HCLS1: variants seen among roughly 807,000 people sequenced by gnomAD.
The protein encoded by HCLS1 is hematopoietic lineage cell-specific protein.
HCLS1 carries 44 observed loss-of-function variants against 68.6 expected under a neutral mutation model. The ratio of observed to expected loss-of-function variants is 0.64; its 90% confidence interval spans 0.50 to 0.82. The LOEUF (loss-of-function observed/expected upper bound fraction) is 0.82. Among genes scored for constraint, HCLS1 ranks in the 40% least tolerant of loss-of-function variants. HCLS1 has a pLI of 0.00. For synonymous variants in HCLS1, 217 were observed against 225.8 expected, an observed-to-expected ratio of 0.96 and a Z score of 0.35; for missense variants, 602 against 612.1, an observed-to-expected ratio of 0.98 and a Z score of 0.17.
chr3:121,635,070 T>G (rs78907191), intron 9 of HCLS1, among the ~76,000 whole-genome samples: 1,815 of 152,198 alleles, frequency 0.012, 42 homozygotes, highest in African/African-American at 0.042. Flanking sequence ...CTGTGTGTTC[T>G]TCCCAAGTGG....
intron 5 of HCLS1, chr3:121,643,319 G>A (rs2049217994): frequency 4.8e-6 from 1 of 208,538 alleles, no homozygotes; most frequent in Non-Finnish European, 1.0e-5. Context: ...TAAAATGAGA[G>A]AAATGATCCC....
intron 2 of HCLS1, chr3:121,658,024 C>G: frequency 2.1e-6 from 1 of 477,492 alleles, no homozygotes; most frequent in Non-Finnish European, 3.8e-6. Flanking sequence ...GTGTAGCCTG[C>G]CATGGCCTGT....
At chr3:121,659,990 G>T (rs1169320744) in intron 1 of HCLS1, among the ~76,000 whole-genome samples, 1 of 152,188 alleles carries the variant, frequency 6.6e-6, no homozygotes, top group African/African-American at 2.4e-5. Flanking sequence ...AGAAAGGTAA[G>T]AAGTGCTATC....
chr3:121,634,519 G>A (rs570196736), intron 9 of HCLS1, 101 bp from the exon 10 acceptor site: 7 of 1,108,248 alleles, frequency 6.3e-6, no homozygotes, highest in East Asian at 4.8e-5. Context: ...ATATCCGGGA[G>A]GAGGGATTTG....
In HCLS1 at chr3:121,632,248, T is replaced by C. The variant is rs893047966; in HGVS notation, c.1241-64A>G. 23 of 1,601,950 alleles carry C rather than the reference T, an allele frequency of 1.4e-5. No individual in the cohort carries two copies. In the African/African-American group the frequency reaches 2.3e-4, roughly 16 times the overall value. ...GAAGAAGGCAAACAGAGAAAGATCC[T>C]ACTGGGGCAATAGAGAAATTCTTCT... On this transcript the variant is annotated intron_variant, in intron 12 of 13. Coordinates refer to ENST00000314583, the MANE Select transcript of HCLS1 (RefSeq NM_005335.6).
At chr3:121,635,237 T>TTCTCTCTCTCTCTCTCTCTCTCTC (rs201290743) in intron 9 of HCLS1, among the ~76,000 whole-genome samples, 16 of 114,444 alleles carry the variant, frequency 1.4e-4, no homozygotes, top group South Asian at 3.7e-4. Flanking sequence ...TCTCTCCCTT[T>TTCTCTCTCTCTCTCTCTCTCTCTC]TCTCTCTCTC....
intron 11 of HCLS1, 144 bp from the exon 12 acceptor site, chr3:121,632,707 C>T (rs979175231): frequency 2.9e-6 from 2 of 683,470 alleles, no homozygotes; most frequent in African/African-American, 1.8e-5. Context: ...CTGGGGAACA[C>T]AGCCTTTCAT....
At chr3:121,657,164 A>T (rs1937890076) in intron 3 of HCLS1, 115 bp downstream of exon 3, 1 of 795,320 alleles carries the variant, frequency 1.3e-6, no homozygotes, top group South Asian at 1.6e-5. Flanking sequence ...ACACAATAAT[A>T]CATAGACATG....
At chr3:121,634,890 C>G (rs183286566) in intron 9 of HCLS1, among the ~76,000 whole-genome samples, 1 of 152,290 alleles carries the variant, frequency 6.6e-6, no homozygotes, top group African/African-American at 2.4e-5. Context: ...CTTCAGCATC[C>G]CAAAGTGCTG....
At chr3:121,655,462 CTTTTTTTTTTTTT>C (rs1181452367) in intron 3 of HCLS1, 7 of 50,066 alleles carry the variant, frequency 1.4e-4, no homozygotes, top group African/African-American at 4.8e-4. Context: ...GTTGCTTGCT[CTTTTTTTTTTTTT>C]TTTTTTTTTT....
intron 8 of HCLS1, 129 bp downstream of exon 8, chr3:121,636,305 C>A: frequency 2.7e-6 from 2 of 753,880 alleles, no homozygotes; most frequent in South Asian, 3.2e-5. Context: ...TGCAGGACGC[C>A]AGCAGGACAG....
intron 4 of HCLS1, 146 bp from the exon 5 acceptor site, chr3:121,645,074 G>A (rs1399494877): frequency 6.3e-6 from 4 of 638,550 alleles, no homozygotes; most frequent in South Asian, 1.9e-5. Flanking sequence ...AGGAATACGC[G>A]ATGGGAGAGC....
At chr3:121,640,782 AAGGGGAGGGG>A (rs1185039803) in intron 6 of HCLS1, among the ~76,000 whole-genome samples, 13,736 of 53,350 alleles carry the variant, frequency 0.26, 2,032 homozygotes, top group East Asian at 0.38. Flanking sequence ...AAGGCAAGGG[AAGGGGAGGGG>A]AGGGGAGGGG....
chr3:121,635,778 C>A lies in HCLS1; in HGVS notation c.648G>T (p.Glu216Asp). 6.2e-7 allele frequency: 1 copy of A among 1,614,054 alleles called. No individual in the cohort carries two copies. The highest frequency in any genetic ancestry group is 1.7e-5 in the Admixed American group (1 of 60,022). ...DKSAVGFNEM[E>D]APTTAYKKTT... ...TCTTCTTATAAGCTGTGGTCGGGGC[C>A]TCCATTTCATTGAAGCCGACAGCGC... The change falls in exon 9 of 14, where the codon GAG becomes GAT. Residue 216 changes from glutamate (E) to aspartate (D), a missense_variant. By Grantham distance (45) the Glu-to-Asp change is conservative. Coordinates refer to ENST00000314583, the MANE Select transcript of HCLS1 (RefSeq NM_005335.6).
Position 121,647,333 on chromosome 3 carries a change from C to G in HCLS1, c.274G>C (p.Asp92His). 6.2e-7 allele frequency: 1 copy of G among 1,613,946 alleles called. No homozygotes were observed. The highest frequency in any genetic ancestry group is 1.1e-5 in the South Asian group (1 of 91,076). ...GYGGRFGVERDRMDKSAVGHE... is the reference protein window; with the variant it reads ...GYGGRFGVERHRMDKSAVGHE... ...TTTCAACTTACCTTGTCCATTCGGTCTCTTTCTACTCCAAACCGACCTCCA... is the reference window on the plus strand; with the variant it reads ...TTTCAACTTACCTTGTCCATTCGGTGTCTTTCTACTCCAAACCGACCTCCA... Residue 92 changes from aspartate (D) to histidine (H), a missense_variant, in exon 4 of 14, where the codon GAC (aspartate) becomes CAC (histidine). By Grantham distance (81) the Asp-to-His change is moderately conservative. Transcript: ENST00000314583.
chr3:121,635,237 T>TCTCTCTCTCTCTCTCTCTCTCTC (rs2049138799), intron 9 of HCLS1, among the ~76,000 whole-genome samples: 1 of 114,340 alleles, frequency 8.7e-6, no homozygotes, highest in South Asian at 3.7e-4. Context: ...TCTCTCCCTT[T>TCTCTCTCTCTCTCTCTCTCTCTC]TCTCTCTCTC....
chr3:121,633,188 ATC>A lies in HCLS1; in HGVS notation c.904-19_904-18del. On this transcript the variant is annotated intron_variant, in intron 10 of 13. Coordinates refer to ENST00000314583, the MANE Select transcript of HCLS1 (RefSeq NM_005335.6). The stretch of plus-strand genomic sequence containing the variant: ...AGGCCAGGCCTGTGGAAAATGAAGC[ATC>A]TCTCAAGTAAGCAAGCCTCCATCTT... 1 of 1,510,410 alleles carries A rather than the reference ATC, an allele frequency of 6.6e-7. No homozygotes were observed. The highest frequency in any genetic ancestry group is 9.0e-7 in the Non-Finnish European group (1 of 1,106,298). 93.6% of individuals were successfully genotyped at this position (1,510,410 alleles called of 1,614,324 possible). A position where few individuals can be genotyped will look rare whatever the true frequency, so the allele number is the denominator to read the frequency against.
intron 6 of HCLS1, 63 bp downstream of exon 6, chr3:121,642,862 TAA>T: frequency 8.1e-7 from 1 of 1,240,536 alleles, no homozygotes; most frequent in Non-Finnish European, 1.2e-6. Context: ...TGCTGGAAGA[TAA>T]AGTCTTAGCA....
In HCLS1 at chr3:121,634,286, C is replaced by A. The variant is rs753962859; in HGVS notation, c.824G>T (p.Ser275Ile). The change falls in exon 10 of 14, where the codon AGC becomes ATC. Residue 275 changes from serine to isoleucine, a missense_variant. Coordinates refer to ENST00000314583, the MANE Select transcript of HCLS1 (RefSeq NM_005335.6). ...TATCACTGGCTGTGGAGCCTCAGGG[C>A]TCCTCTTTGTCACAGCCTTTCGCTC... ...QQERKAVTKR[S>I]PEAPQPVIAM... is the part of the protein sequence containing the mutation. The A allele has an allele frequency of 5.0e-6, 8 of 1,614,206 alleles. No homozygotes were observed. The highest frequency in any genetic ancestry group is 1.7e-5 in the Admixed American group (1 of 60,026).
Sources: allele counts gnomAD v4.1 joint callset (sites outside exome capture counted in the v4.1 genomes callset), GRCh38; gene constraint gnomAD v4.1.1; transcripts MANE v1.5; gene names NCBI Gene and HGNC (gene_info 2026-07-23, HGNC 2026-07-21).